VAV2: variants seen among roughly 807,000 people sequenced by gnomAD.
The protein encoded by VAV2 is vav guanine nucleotide exchange factor 2.
In VAV2, 67 loss-of-function variants were observed where a neutral mutation model predicts 132.5. That is an observed-to-expected ratio of 0.51 (90% CI 0.42 to 0.62). The LOEUF is 0.62. VAV2 is among the 20% of genes least tolerant of loss of function. VAV2 has a pLI of 0.00. For missense variants in VAV2, 938 were observed against 1,153.6 expected (o/e 0.81, Z 2.71); for synonymous variants, 492 against 443.5 (o/e 1.11, Z -1.37).
intron 2 of VAV2, among the ~76,000 whole-genome samples, chr9:133,864,294 C>A (rs772444227): frequency 1.3e-5 from 2 of 152,200 alleles, no homozygotes; most frequent in Non-Finnish European, 2.9e-5. Flanking sequence ...TGATGTGCCA[C>A]TCAAAACGAC....
intron 9 of VAV2, 94 bp downstream of exon 9, chr9:133,805,987 C>A: frequency 7.3e-7 from 1 of 1,364,828 alleles, no homozygotes; most frequent in South Asian, 1.3e-5. Context: ...CTCGGGACAC[C>A]CCAAGAGTCC....
At chr9:133,990,467 C>A (rs1212148339) in intron 1 of VAV2, among the ~76,000 whole-genome samples, 1 of 152,162 alleles carries the variant, frequency 6.6e-6, no homozygotes, top group Admixed American at 6.5e-5. Context: ...GAGGGGCAGC[C>A]CCCGGACCCA....
At chr9:133,766,759 A>AATATATATATATATATATATATAT (rs373267933) in intron 29 of VAV2, among the ~76,000 whole-genome samples, 2 of 112,110 alleles carry the variant, frequency 1.8e-5, no homozygotes, top group African/African-American at 3.6e-5. Flanking sequence ...AGTATAAATA[A>AATATATATATATATATATATATAT]ATATATATAT....
chr9:133,831,101 C>G (rs1836243920), intron 4 of VAV2, among the ~76,000 whole-genome samples: 1 of 152,076 alleles, frequency 6.6e-6, no homozygotes, highest in East Asian at 1.9e-4. Flanking sequence ...CATTTTGGTT[C>G]AAGAGATCAG....
chr9:133,769,582 G>C lies in VAV2; in HGVS notation c.2348-79C>G. 3 of 1,442,462 alleles carry C rather than the reference G, an allele frequency of 2.1e-6. No individual in the cohort carries two copies. The highest frequency in any genetic ancestry group is 1.9e-6 in the Non-Finnish European group (2 of 1,055,514). The allele number at this position is 1,442,462 out of a possible 1,614,324, so 89.4% of individuals were successfully genotyped here. ...TCACGGTGGGCACAGCTACAGGCCG[G>C]GGGGCATGGGGTGGGGCAGGCCCTT... On this transcript the variant is annotated intron_variant, in intron 27 of 29. Transcript: ENST00000371850. The surrounding 1 kb of genome is among the most constrained non-coding windows in gnomAD (Gnocchi z 8.1).
intron 3 of VAV2, among the ~76,000 whole-genome samples, chr9:133,854,623 G>A (rs1346559479): frequency 2.0e-5 from 3 of 152,178 alleles, no homozygotes; most frequent in African/African-American, 7.2e-5. Flanking sequence ...AGAGCTGGCC[G>A]CTGTGACCAG....
rs759393879 is a variant in VAV2 at position 133,849,399 on chromosome 9, G to C, written c.380+11975C>G. Among the ~76,000 whole-genome samples the C allele has an allele frequency of 1.4e-4, 22 of 152,268 alleles. 1 individual carries two copies. The highest frequency in any genetic ancestry group is 1.2e-3 in the South Asian group (6 of 4,822). On this transcript the variant is annotated intron_variant, in intron 3 of 29. Coordinates refer to ENST00000371850, the MANE Select transcript of VAV2 (RefSeq NM_001134398.2). Reference sequence around the variant, plus strand: ...CGTTAAGAAGCACTGGTTAGGGCTCGTGAGGATGCTGGTCCGGCCTCCAGG... The same window carrying C: ...CGTTAAGAAGCACTGGTTAGGGCTCCTGAGGATGCTGGTCCGGCCTCCAGG...
chr9:133,974,962 T>G (rs1842459359), intron 1 of VAV2, among the ~76,000 whole-genome samples: 1 of 152,194 alleles, frequency 6.6e-6, no homozygotes, highest in African/African-American at 2.4e-5. Context: ...CCCACCCTCC[T>G]GCAGGGCCTT....
At chr9:133,983,630 G>A (rs925806803) in intron 1 of VAV2, among the ~76,000 whole-genome samples, 5 of 151,606 alleles carry the variant, frequency 3.3e-5, no homozygotes, top group African/African-American at 1.2e-4. Context: ...CAATCACAAC[G>A]CTCGGCAGAG....
rs1347264164 is a variant in VAV2, at chr9:133,797,796, C to T, written c.850G>A (p.Gly284Arg). ...LDFKERLLIY[G>R]EYCSHMEHAQ... is the part of the protein sequence containing the mutation. ...TGCTCCATGTGGCTGCAGTACTCCC[C>T]GTAGATCAGAAGCCTGGACGGTGCA... Residue 284 changes from glycine (G) to arginine (R), a missense_variant, in exon 10 of 30, where the codon GGG (glycine) becomes AGG (arginine). Gly to Arg is a moderately radical substitution (Grantham distance 125). Coordinates refer to ENST00000371850, the MANE Select transcript of VAV2 (RefSeq NM_001134398.2). 8 of 1,613,836 alleles carry T rather than the reference C, an allele frequency of 5.0e-6. No homozygotes were observed. Among genetic ancestry groups the T allele is most frequent in the Non-Finnish European group, 5.9e-6 (7 of 1,179,908 alleles).
chr9:133,794,531 T>C lies in VAV2; in HGVS notation c.1101+1137A>G, dbSNP rs1834629254. The stretch of plus-strand genomic sequence containing the variant: ...ACAGCAGCTATAGACAGAGACAGAT[T>C]ACAGCCCCTCCCCCACCCAGAGGGA... On this transcript the variant is annotated intron_variant, in intron 12 of 29. Transcript: ENST00000371850. The surrounding 1 kb of genome is among the most constrained non-coding windows in gnomAD (Gnocchi z 4.6). 6.6e-6 allele frequency among the ~76,000 whole-genome samples: 1 copy of C among 152,134 alleles called. No homozygotes were observed. The highest frequency in any genetic ancestry group is 2.4e-5 in the African/African-American group (1 of 41,442).
At chr9:133,980,479 T>C (rs1842658470) in intron 1 of VAV2, among the ~76,000 whole-genome samples, 1 of 152,154 alleles carries the variant, frequency 6.6e-6, no homozygotes, top group Non-Finnish European at 1.5e-5. Context: ...CAACAAGATC[T>C]TTCCCCAGGG....
At chr9:133,808,965 C>A (rs1835258015) in intron 7 of VAV2, 75 bp downstream of exon 7, 2 of 1,401,700 alleles carry the variant, frequency 1.4e-6, no homozygotes, top group Non-Finnish European at 2.0e-6. Flanking sequence ...CCGGAATGCA[C>A]TCCCAGGAGA....
intron 2 of VAV2, among the ~76,000 whole-genome samples, chr9:133,897,690 T>C (rs13291383): frequency 0.26 from 39,269 of 152,120 alleles, 5,686 homozygotes; most frequent in Middle Eastern, 0.44. Flanking sequence ...ATTGCTCTTC[T>C]ATGCCTCGTT....
At chr9:133,950,337 G>A (rs7872604) in intron 1 of VAV2, among the ~76,000 whole-genome samples, 2 of 152,060 alleles carry the variant, frequency 1.3e-5, no homozygotes, top group East Asian at 1.9e-4. Flanking sequence ...CTCTGCACCC[G>A]CCTCCAGTCC....
At chr9:133,982,596 C>T (rs1281763685) in intron 1 of VAV2, among the ~76,000 whole-genome samples, 2 of 152,114 alleles carry the variant, frequency 1.3e-5, no homozygotes, top group Non-Finnish European at 2.9e-5. Flanking sequence ...GCGGCAGACT[C>T]CGGCTGCCGC....
At position 133,773,849 on chromosome 9, in the gene VAV2, T is replaced by C. The variant is rs1833721627; in HGVS notation, c.2135+1086A>G. Among the ~76,000 whole-genome samples the C allele has an allele frequency of 2.0e-5, 3 of 152,238 alleles. No individual in the cohort carries two copies. In the South Asian group the frequency reaches 6.2e-4, roughly 32 times the overall value. On this transcript the variant is annotated intron_variant, in intron 25 of 29. Coordinates refer to ENST00000371850, the MANE Select transcript of VAV2 (RefSeq NM_001134398.2). Reference sequence around the variant, plus strand: ...TATTACGATGATCACATACTATGTATGTGCAGAATTGTTTGTCCTATGCTT... The same window carrying C: ...TATTACGATGATCACATACTATGTACGTGCAGAATTGTTTGTCCTATGCTT...
At chr9:133,977,419 C>T (rs1275823713) in intron 1 of VAV2, among the ~76,000 whole-genome samples, 5 of 152,194 alleles carry the variant, frequency 3.3e-5, no homozygotes, top group Non-Finnish European at 1.5e-5. Context: ...CAGGATGCGG[C>T]GCTCATGAGC....
intron 1 of VAV2, among the ~76,000 whole-genome samples, chr9:133,979,224 G>T (rs922629636): frequency 6.6e-6 from 1 of 152,210 alleles, no homozygotes; most frequent in Admixed American, 6.5e-5. Context: ...GCTGACAGCC[G>T]GGTCCTCGGC....
Sources: allele counts gnomAD v4.1 joint callset (sites outside exome capture counted in the v4.1 genomes callset), GRCh38; gene constraint gnomAD v4.1.1; non-coding constraint Gnocchi (gnomAD v3.1); transcripts MANE v1.5; gene names NCBI Gene and HGNC (gene_info 2026-07-23, HGNC 2026-07-21).